AREL1: variants seen among roughly 807,000 people sequenced by gnomAD.
AREL1 encodes apoptosis resistant E3 ubiquitin protein ligase 1.
AREL1 carries 62 observed loss-of-function variants against 99.0 expected under a neutral mutation model. That is an observed-to-expected ratio of 0.63 (90% CI 0.51 to 0.77). AREL1 has a LOEUF of 0.77. AREL1 is among the 30% of genes least tolerant of loss of function. The pLI is 0.00. For missense variants in AREL1, 879 were observed against 1,027.6 expected (o/e 0.86, Z 1.98); for synonymous variants, 380 against 376.5 (o/e 1.01, Z -0.11).
At chr14:74,676,100 G>A in intron 7 of AREL1, 41 bp downstream of exon 7, 1 of 1,590,048 alleles carries the variant, frequency 6.3e-7, no homozygotes, top group Non-Finnish European at 8.6e-7. Flanking sequence ...CAAAGAAACG[G>A]CTGAAGAACA....
At chr14:74,672,150 G>A (rs2089362598) in intron 11 of AREL1, 1 of 299,842 alleles carries the variant, frequency 3.3e-6, no homozygotes, top group South Asian at 2.5e-5. Flanking sequence ...TCTATTCCAG[G>A]GATTCAATAA....
intron 1 of AREL1, 34 bp downstream of exon 1, chr14:74,712,899 C>T (rs756093138): frequency 4.4e-5 from 27 of 616,020 alleles, no homozygotes; most frequent in South Asian, 4.1e-4. Flanking sequence ...GGCAGGTCTT[C>T]TGGGCTCTGC....
At chr14:74,684,342 G>A (rs2089699128) in intron 4 of AREL1, 112 bp downstream of exon 4, 16 of 911,924 alleles carry the variant, frequency 1.8e-5, no homozygotes, top group Non-Finnish European at 2.5e-5. Context: ...CTAGTTCCTG[G>A]AGGGAGTTGA....
At chr14:74,684,339 C>T (rs775393764) in intron 4 of AREL1, 115 bp downstream of exon 4, 16 of 893,112 alleles carry the variant, frequency 1.8e-5, no homozygotes, top group Non-Finnish European at 2.6e-5. Context: ...TCACTAGTTC[C>T]TGGAGGGAGT....
chr14:74,672,781 T>C (rs1333196997), intron 11 of AREL1, 50 bp downstream of exon 11: 2 of 1,611,082 alleles, frequency 1.2e-6, no homozygotes, highest in South Asian at 2.2e-5. Context: ...AATATAGACA[T>C]TCAATTGGAA....
intron 9 of AREL1, 69 bp downstream of exon 9, chr14:74,673,965 A>G: frequency 7.2e-7 from 1 of 1,386,472 alleles, no homozygotes; most frequent in Middle Eastern, 1.8e-4. Context: ...TTCTGAGAAA[A>G]AATAAAAGGC....
chr14:74,680,003 C>G (rs905062013), intron 5 of AREL1, among the ~76,000 whole-genome samples: 8 of 151,746 alleles, frequency 5.3e-5, no homozygotes, highest in African/African-American at 1.9e-4. Flanking sequence ...TGGCAAAACT[C>G]TGTCTCTACA....
At chr14:74,698,176 G>T (rs553310495) in intron 1 of AREL1, among the ~76,000 whole-genome samples, 1 of 152,238 alleles carries the variant, frequency 6.6e-6, no homozygotes, top group South Asian at 2.1e-4. Flanking sequence ...TTTACCACTA[G>T]AGGTACTTGA....
intron 1 of AREL1, among the ~76,000 whole-genome samples, chr14:74,708,984 A>T (rs1362429630): frequency 6.6e-6 from 1 of 152,244 alleles, no homozygotes; most frequent in Non-Finnish European, 1.5e-5. Context: ...ACATACATAC[A>T]CACAAACTGC....
At chr14:74,668,713 T>C (rs2089262780) in intron 15 of AREL1, among the ~76,000 whole-genome samples, 1 of 152,174 alleles carries the variant, frequency 6.6e-6, no homozygotes, top group African/African-American at 2.4e-5. Flanking sequence ...ATCAGTATAG[T>C]GGTACCAATG....
chr14:74,676,888 C>T (rs1230356333), intron 5 of AREL1, 136 bp from the exon 6 acceptor site: 11 of 675,320 alleles, frequency 1.6e-5, no homozygotes, highest in Non-Finnish European at 2.4e-5. Flanking sequence ...GCTCTGCCTT[C>T]CGGGCTCATG....
intron 17 of AREL1, 162 bp from the exon 18 acceptor site, chr14:74,665,087 A>C (rs1401664917): frequency 1.9e-6 from 1 of 538,322 alleles, no homozygotes; most frequent in East Asian, 3.3e-5. Flanking sequence ...TAGGAAAATC[A>C]ATTACATACA....
intron 2 of AREL1, among the ~76,000 whole-genome samples, chr14:74,689,741 C>A (rs377527987): frequency 4.0e-5 from 6 of 151,124 alleles, no homozygotes; most frequent in African/African-American, 1.5e-4. Context: ...GGATTACAGG[C>A]ATGCACCACC....
rs1251981049 is a variant in AREL1 at position 74,684,633 on chromosome 14, G to A, written c.64C>T (p.Leu22Phe). The A allele has an allele frequency of 6.2e-7, 1 of 1,614,042 alleles. No individual in the cohort carries two copies. Among genetic ancestry groups the A allele is most frequent in the Non-Finnish European group, 8.5e-7 (1 of 1,180,040 alleles). Residue 22 changes from leucine (L) to phenylalanine (F), a missense_variant, in exon 4 of 20, where the codon CTC becomes TTC. Leu to Phe is a conservative substitution (Grantham distance 22, BLOSUM62 0). Coordinates refer to ENST00000356357, the MANE Select transcript of AREL1 (RefSeq NM_001039479.2). The stretch of plus-strand genomic sequence containing the variant: ...ACTACACGTGCGGCAAGCTCAAAGA[G>A]GAACTTAATTGTGAAGAAGAATGCA... ...VVAFFFTIKF[L>F]FELAARVVSF...
intron 1 of AREL1, among the ~76,000 whole-genome samples, chr14:74,699,841 C>A (rs1209833795): frequency 6.6e-6 from 1 of 152,138 alleles, no homozygotes; most frequent in Non-Finnish European, 1.5e-5. Flanking sequence ...AGAAAAGAAA[C>A]GAATCCGCTG....
chr14:74,699,074 C>T (rs1053126169), intron 1 of AREL1, among the ~76,000 whole-genome samples: 4 of 152,136 alleles, frequency 2.6e-5, no homozygotes, highest in Non-Finnish European at 5.9e-5. Flanking sequence ...ACTAGGATGA[C>T]TACCATGTAG....
rs753032344 is a variant in AREL1 at position 74,672,898 on chromosome 14, T to C, written c.1355A>G (p.Gln452Arg). Residue 452 changes from glutamine (Q) to arginine (R), a missense_variant, in exon 11 of 20, where the codon CAG (glutamine) becomes CGG (arginine). By Grantham distance (43) the Gln-to-Arg change is conservative. Coordinates refer to ENST00000356357, the MANE Select transcript of AREL1 (RefSeq NM_001039479.2). Reference protein sequence around the residue: ...KVNFFQRELRQVHMKRPHSKV... With the variant: ...KVNFFQRELRRVHMKRPHSKV... ...GGAATGTGGTCTTTTCATATGTACC[T>C]GCCGAAGCTCTCGCTGGAAAAAGTT... 6.2e-7 allele frequency: 1 copy of C among 1,614,226 alleles called. No homozygotes were observed. Among genetic ancestry groups the C allele is most frequent in the Admixed American group, 1.7e-5 (1 of 60,034 alleles).
chr14:74,682,050 G>A (rs565365253), intron 5 of AREL1, among the ~76,000 whole-genome samples: 2 of 152,152 alleles, frequency 1.3e-5, no homozygotes, highest in Non-Finnish European at 2.9e-5. Flanking sequence ...AAAAAGGCTG[G>A]TACATGTAAG....
intron 2 of AREL1, among the ~76,000 whole-genome samples, chr14:74,687,374 G>T (rs113469543): frequency 1.2e-4 from 19 of 152,274 alleles, no homozygotes; most frequent in African/African-American, 3.6e-4. Flanking sequence ...ACAATCCCAG[G>T]ACTGCAAACT....
Sources: allele counts gnomAD v4.1 joint callset (sites outside exome capture counted in the v4.1 genomes callset), GRCh38; gene constraint gnomAD v4.1.1; transcripts MANE v1.5; gene names NCBI Gene and HGNC (gene_info 2026-07-23, HGNC 2026-07-21).